The following FHOD3 variants were observed in gnomAD, a reference collection of about 807,000 sequenced individuals.
FHOD3 encodes FH1/FH2 domain-containing protein 3.
Under a neutral mutation model 173.0 loss-of-function variants are expected in FHOD3, and 90 were observed. The observed-to-expected ratio is 0.52, with a 90% CI of 0.44 to 0.62. The LOEUF (loss-of-function observed/expected upper bound fraction) is 0.62, where lower values mean the gene tolerates loss of function less well. Ranked by LOEUF, FHOD3 falls within the 20% of genes least tolerant of loss-of-function variation. The pLI is 0.00. For missense variants in FHOD3, 1,945 were observed against 2,034.7 expected (o/e 0.96, Z 0.85); for synonymous variants, 828 against 823.0 (o/e 1.01, Z -0.10).
intron 6 of FHOD3, among the ~76,000 whole-genome samples, chr18:36,579,539 C>T (rs541556177): frequency 1.3e-5 from 2 of 152,234 alleles, no homozygotes; most frequent in Admixed American, 1.3e-4. Flanking sequence ...ACGTGATCCC[C>T]AATGCAACAG....
chr18:36,359,467 G>A (rs2046507401), intron 2 of FHOD3, among the ~76,000 whole-genome samples: 2 of 152,232 alleles, frequency 1.3e-5, no homozygotes, highest in South Asian at 2.1e-4. Context: ...ATGACCTGGT[G>A]CAGCAGACAG....
chr18:36,738,651 A>G (rs2041758368), intron 20 of FHOD3, among the ~76,000 whole-genome samples: 1 of 152,156 alleles, frequency 6.6e-6, no homozygotes, highest in African/African-American at 2.4e-5. Context: ...CTTTTTTTGC[A>G]TATAGAGTCT....
chr18:36,513,285 A>G (rs1207385969), intron 5 of FHOD3, among the ~76,000 whole-genome samples: 1 of 152,226 alleles, frequency 6.6e-6, no homozygotes, highest in Non-Finnish European at 1.5e-5. Context: ...CCTACAAAAG[A>G]AGAAATTTTA....
chr18:36,597,529 C>G (rs1309548386), intron 7 of FHOD3, among the ~76,000 whole-genome samples: 1 of 152,144 alleles, frequency 6.6e-6, no homozygotes, highest in Admixed American at 6.5e-5. Context: ...CGGGTTCACG[C>G]CATTCTCCTG....
intron 3 of FHOD3, among the ~76,000 whole-genome samples, chr18:36,489,828 A>G (rs1305770675): frequency 2.0e-5 from 3 of 152,202 alleles, no homozygotes; most frequent in Non-Finnish European, 1.5e-5. Context: ...CCAGATCCCT[A>G]ATTATGGGAA....
chr18:36,690,134 G>A (rs1272318289), intron 16 of FHOD3, among the ~76,000 whole-genome samples: 1 of 152,132 alleles, frequency 6.6e-6, no homozygotes, highest in African/African-American at 2.4e-5. Context: ...CTCTCCCACT[G>A]AACTGTGAGC....
At chr18:36,619,398 TC>T (rs1368416219) in intron 9 of FHOD3, among the ~76,000 whole-genome samples, 1 of 152,222 alleles carries the variant, frequency 6.6e-6, no homozygotes, top group East Asian at 1.9e-4. Context: ...CTGAACGGAC[TC>T]TTCATGTCTC....
At chr18:36,534,934 A>G (rs2056933165) in intron 5 of FHOD3, among the ~76,000 whole-genome samples, 1 of 152,182 alleles carries the variant, frequency 6.6e-6, no homozygotes, top group Non-Finnish European at 1.5e-5. Context: ...TTACCCCACC[A>G]TGGGGGCAGA....
At chr18:36,648,315 C>T (rs2035824535) in intron 10 of FHOD3, among the ~76,000 whole-genome samples, 1 of 152,046 alleles carries the variant, frequency 6.6e-6, no homozygotes. Context: ...TGGAGTTCAG[C>T]AAGGCAAGGG....
intron 3 of FHOD3, among the ~76,000 whole-genome samples, chr18:36,468,529 C>A (rs1363461841): frequency 6.6e-6 from 1 of 152,140 alleles, no homozygotes; most frequent in Non-Finnish European, 1.5e-5. Context: ...TCTGGCTGTG[C>A]CCTGTGGGTG....
intron 15 of FHOD3, among the ~76,000 whole-genome samples, chr18:36,683,197 A>T (rs1402349121): frequency 2.0e-5 from 3 of 152,196 alleles, no homozygotes; most frequent in Non-Finnish European, 4.4e-5. Context: ...TAGAAAGGCC[A>T]ATTTTTTAAA....
At chr18:36,323,556 A>C (rs561376868) in intron 1 of FHOD3, among the ~76,000 whole-genome samples, 5 of 152,290 alleles carry the variant, frequency 3.3e-5, no homozygotes, top group Admixed American at 2.6e-4. Flanking sequence ...CCAGGGACAG[A>C]GGACTTCTCA....
intron 3 of FHOD3, among the ~76,000 whole-genome samples, chr18:36,475,632 A>G (rs910558643): frequency 4.6e-5 from 7 of 152,174 alleles, no homozygotes; most frequent in African/African-American, 1.4e-4. Flanking sequence ...ACTGTTACTC[A>G]TGCTGCTTAG....
intron 1 of FHOD3, among the ~76,000 whole-genome samples, chr18:36,327,719 G>C (rs2044745773): frequency 6.6e-6 from 1 of 152,174 alleles, no homozygotes; most frequent in Admixed American, 6.5e-5. Flanking sequence ...TGGAGGGGTG[G>C]CATGACTTTT....
intron 3 of FHOD3, among the ~76,000 whole-genome samples, chr18:36,482,141 A>T (rs1289103972): frequency 6.6e-6 from 1 of 152,152 alleles, no homozygotes; most frequent in Non-Finnish European, 1.5e-5. Flanking sequence ...TCTTTCATTC[A>T]CCCTACCTAT....
intron 15 of FHOD3, among the ~76,000 whole-genome samples, chr18:36,686,693 A>C (rs1270306333): frequency 6.6e-6 from 1 of 152,058 alleles, no homozygotes; most frequent in African/African-American, 2.4e-5. Context: ...TGTGGAGTGC[A>C]ACATAGAATG....
intron 5 of FHOD3, among the ~76,000 whole-genome samples, chr18:36,546,332 C>CT (rs1366434882): frequency 5.9e-5 from 9 of 151,962 alleles, no homozygotes; most frequent in South Asian, 2.1e-4. Context: ...CTCATAGTTC[C>CT]TTTTTTTTGT....
intron 3 of FHOD3, among the ~76,000 whole-genome samples, chr18:36,460,059 A>G (rs1210048041): frequency 1.3e-5 from 2 of 152,332 alleles, no homozygotes; most frequent in South Asian, 4.1e-4. Context: ...CTTTCTCATC[A>G]TTAGAATGGG....
chr18:36,649,340 G>A lies in FHOD3; in HGVS notation c.1221G>A (p.Gln407=). The A allele has an allele frequency of 6.5e-7, 1 of 1,535,930 alleles. No homozygotes were observed. Among genetic ancestry groups the A allele is most frequent in the Non-Finnish European group, 8.7e-7 (1 of 1,146,746 alleles). The change falls in exon 11 of 29, where the codon CAG becomes CAA. Residue 407 remains glutamine, a synonymous_variant. Transcript: ENST00000590592. ...GGGAGGAGGAGGAGGAAGAGGAGCA[G>A]CCAATCACGGAGCCCAGTTCCGAAG... ...REKEEEEEEE[Q]PITEPSSEEE...
Sources: gnomAD v4.1 joint callset for allele counts (sites outside exome capture counted in the v4.1 genomes callset) on GRCh38, gnomAD v4.1.1 for gene constraint, MANE v1.5 for transcripts, NCBI Gene and HGNC (gene_info 2026-07-23, HGNC 2026-07-21) for gene names.